Variants in EPB41L5 observed in about 807,000 individuals in gnomAD.
EPB41L5 encodes the protein band 4.1-like protein 5.
Under a neutral mutation model 106.6 loss-of-function variants are expected in EPB41L5, and 55 were observed. The ratio of observed to expected loss-of-function variants is 0.52; its 90% CI spans 0.42 to 0.65. The LOEUF (loss-of-function observed/expected upper bound fraction) is 0.65. Among genes scored for constraint, EPB41L5 ranks in the 30% least tolerant of loss-of-function variants. The probability of loss-of-function intolerance (pLI) is 0.00; values close to 1 mark genes in which losing one functional copy is unlikely to be tolerated. For synonymous variants in EPB41L5, 297 were observed against 306.7 expected (o/e 0.97, Z 0.33); for missense variants, 871 against 882.1 (o/e 0.99, Z 0.16).
intron 18 of EPB41L5, among the ~76,000 whole-genome samples, chr2:120,141,183 T>G (rs1241381063): frequency 6.6e-6 from 1 of 152,102 alleles, no homozygotes; most frequent in Non-Finnish European, 1.5e-5. Flanking sequence ...TTGCCTACTT[T>G]TTGTAAGATA....
Position 120,176,901 on chromosome 2 carries a change from A to G in EPB41L5, c.*1994A>G, listed in dbSNP as rs1338269429. The G allele has an allele frequency of 6.6e-6, 1 of 152,166 alleles. No individual in the cohort carries two copies. Among genetic ancestry groups the G allele is most frequent in the Non-Finnish European group, 1.5e-5 (1 of 68,022 alleles). 9.4% of individuals were successfully genotyped at this position (152,166 alleles called of 1,614,324 possible). A position where few individuals can be genotyped will look rare whatever the true frequency, so the allele number is the denominator to read the frequency against. On this transcript the variant is annotated 3_prime_UTR_variant, in exon 25 of 25. Coordinates refer to ENST00000263713, the MANE Select transcript of EPB41L5 (RefSeq NM_020909.4). ...ATTAGGTAGTTGGACATAGTCTGTGACCTTTATGTCGTTGGATACCTGTAT... is the reference window on the plus strand; with the variant it reads ...ATTAGGTAGTTGGACATAGTCTGTGGCCTTTATGTCGTTGGATACCTGTAT...
At chr2:120,049,817 G>A (rs1196932548) in intron 3 of EPB41L5, among the ~76,000 whole-genome samples, 21 of 152,222 alleles carry the variant, frequency 1.4e-4, no homozygotes, top group African/African-American at 2.4e-4. Flanking sequence ...GTTCCTTTCC[G>A]TGTTTAGTGC....
At chr2:120,161,457 G>T (rs1687138172) in intron 21 of EPB41L5, among the ~76,000 whole-genome samples, 1 of 152,074 alleles carries the variant, frequency 6.6e-6, no homozygotes, top group South Asian at 2.1e-4. Flanking sequence ...CTCACAAGAG[G>T]ATCTTAGGGT....
intron 18 of EPB41L5, among the ~76,000 whole-genome samples, chr2:120,135,043 G>C (rs1574734338): frequency 6.6e-6 from 1 of 152,142 alleles, no homozygotes; most frequent in East Asian, 1.9e-4. Flanking sequence ...AGGAAACTCA[G>C]TGAAATTCAA....
At chr2:120,120,830 T>C (rs939385358) in intron 16 of EPB41L5, among the ~76,000 whole-genome samples, 3 of 152,142 alleles carry the variant, frequency 2.0e-5, no homozygotes, top group Non-Finnish European at 1.5e-5. Context: ...TTAAAATTAT[T>C]TTAGGCCAGG....
At chr2:120,029,415 C>T (rs555088165) in intron 2 of EPB41L5, among the ~76,000 whole-genome samples, 8 of 152,138 alleles carry the variant, frequency 5.3e-5, no homozygotes, top group Admixed American at 1.3e-4. Context: ...AGGCTGGCTT[C>T]GAGCTCCTGA....
chr2:120,048,732 A>C (rs1387707995), intron 3 of EPB41L5, among the ~76,000 whole-genome samples: 1 of 151,812 alleles, frequency 6.6e-6, no homozygotes, highest in Non-Finnish European at 1.5e-5. Flanking sequence ...TAGTTCTTTT[A>C]ATTGTGATGT....
At chr2:120,025,562 A>G (rs1208184180) in intron 2 of EPB41L5, among the ~76,000 whole-genome samples, 1 of 152,224 alleles carries the variant, frequency 6.6e-6, no homozygotes, top group African/African-American at 2.4e-5. Flanking sequence ...TAAGGTTAAT[A>G]GATAACAATT....
intron 16 of EPB41L5, among the ~76,000 whole-genome samples, chr2:120,127,439 T>A (rs181210139): frequency 6.6e-6 from 1 of 152,338 alleles, no homozygotes; most frequent in African/African-American, 2.4e-5. Flanking sequence ...GTAACCTACA[T>A]GCATCTTCCC....
chr2:120,032,902 C>G (rs555027813), intron 2 of EPB41L5, among the ~76,000 whole-genome samples: 12 of 152,166 alleles, frequency 7.9e-5, no homozygotes, highest in Non-Finnish European at 1.6e-4. Context: ...GCATATTCAT[C>G]TGTATAACTA....
At chr2:120,156,306 C>T (rs1444107061) in intron 20 of EPB41L5, among the ~76,000 whole-genome samples, 1 of 152,160 alleles carries the variant, frequency 6.6e-6, no homozygotes, top group African/African-American at 2.4e-5. Flanking sequence ...GGCTTTTGCA[C>T]TGGCAGACTG....
chr2:120,100,184 C>A lies in EPB41L5; in HGVS notation c.1179-60C>A, dbSNP rs1309990534. On this transcript the variant is annotated intron_variant, in intron 14 of 24. Coordinates refer to ENST00000263713, the MANE Select transcript of EPB41L5 (RefSeq NM_020909.4). ...TTTTATTAGTGTATGTGTTATCTTA[C>A]AAAATGAAGTCCTGAAATTTCATAT... The A allele has an allele frequency of 3.0e-6, 4 of 1,336,348 alleles. No individual in the cohort carries two copies. The East Asian group carries it at 6.9e-5, about 23-fold the overall frequency. The allele number at this position is 1,336,348 out of a possible 1,614,324, so 82.8% of individuals were successfully genotyped here. A position where few individuals can be genotyped will look rare whatever the true frequency, so the allele number is the denominator to read the frequency against.
intron 3 of EPB41L5, among the ~76,000 whole-genome samples, chr2:120,046,001 T>C (rs1679748830): frequency 6.6e-6 from 1 of 152,220 alleles, no homozygotes; most frequent in Non-Finnish European, 1.5e-5. Flanking sequence ...TCCTTTTTTA[T>C]GGCTGCATAG....
intron 2 of EPB41L5, among the ~76,000 whole-genome samples, chr2:120,022,556 C>T (rs1174699405): frequency 6.6e-6 from 1 of 152,144 alleles, no homozygotes; most frequent in East Asian, 1.9e-4. Context: ...GGTATATGTG[C>T]CACATTTTCT....
intron 2 of EPB41L5, among the ~76,000 whole-genome samples, chr2:120,030,254 GA>G (rs1177373048): frequency 6.6e-6 from 1 of 152,154 alleles, no homozygotes; most frequent in Non-Finnish European, 1.5e-5. Flanking sequence ...TTAGCTACAA[GA>G]TGAGAAATTA....
In EPB41L5 at chr2:120,103,197, T is replaced by C. The variant is rs1279886640; in HGVS notation, c.1337+2383T>C. 2.0e-5 allele frequency among the ~76,000 whole-genome samples: 3 copies of C among 152,334 alleles called. No homozygotes were observed. In the East Asian group the frequency reaches 5.8e-4, roughly 29 times the overall value. ...ATATTTTATATTTGGGGTGGCATTT[T>C]CCTTTGTAGTTATTTTAAATATATG... On this transcript the variant is annotated intron_variant, in intron 16 of 24. Coordinates refer to ENST00000263713, the MANE Select transcript of EPB41L5 (RefSeq NM_020909.4).
intron 14 of EPB41L5, among the ~76,000 whole-genome samples, chr2:120,095,483 G>T (rs1683687387): frequency 1.3e-5 from 2 of 148,168 alleles, no homozygotes; most frequent in Admixed American, 6.7e-5. Context: ...CTCTGAGTCT[G>T]TTCGCTTCTC....
intron 13 of EPB41L5, 32 bp downstream of exon 13, chr2:120,091,693 T>C (rs751174198): frequency 5.2e-6 from 8 of 1,531,966 alleles, no homozygotes; most frequent in Non-Finnish European, 7.2e-6. Context: ...AAGGATTATT[T>C]TTCCTTGGCA....
intron 18 of EPB41L5, among the ~76,000 whole-genome samples, chr2:120,139,232 A>G (rs1194224567): frequency 3.9e-5 from 6 of 152,096 alleles, no homozygotes; most frequent in African/African-American, 9.6e-5. Flanking sequence ...ACTAAAAGAA[A>G]ATATTGGAGC....
Sources: allele counts gnomAD v4.1 joint callset (sites outside exome capture counted in the v4.1 genomes callset), GRCh38; gene constraint gnomAD v4.1.1; transcripts MANE v1.5; gene names NCBI Gene and HGNC (gene_info 2026-07-23, HGNC 2026-07-21).